LY96: variants seen among roughly 807,000 people sequenced by gnomAD.
The protein encoded by LY96 is myeloid differentiation protein-2.
A neutral mutation model predicts 18.9 loss-of-function variants in LY96; 18 were observed. That is an observed-to-expected ratio of 0.95 (90% CI 0.66 to 1.41). The LOEUF is 1.41. Among genes scored for constraint, LY96 ranks in the 40% most tolerant of loss-of-function variants. The pLI is 0.00. For synonymous variants in LY96, 66 were observed against 62.6 expected (o/e 1.06, Z -0.26); for missense variants, 175 against 182.4 (o/e 0.96, Z 0.23).
chr8:74,060,983 G>A, the LY96 span, among the ~76,000 whole-genome samples: 5 of 152,042 alleles, frequency 3.3e-5, no homozygotes, highest in Admixed American at 1.3e-4. Flanking sequence ...CTATACCTTC[G>A]TGTCCTGGAG....
intron 4 of LY96, 106 bp from the exon 5 acceptor site, chr8:74,028,850 T>A: frequency 1.5e-6 from 1 of 649,564 alleles, no homozygotes; most frequent in South Asian, 2.1e-5. Context: ...ATAAAATCAA[T>A]CCAATTTAAA....
intron 2 of LY96, among the ~76,000 whole-genome samples, chr8:74,006,021 G>T (rs1431578066): frequency 6.6e-6 from 1 of 152,194 alleles, no homozygotes; most frequent in Non-Finnish European, 1.5e-5. Context: ...CCCCAAAACT[G>T]AGAACCCAGG....
At chr8:74,065,361 A>C in the LY96 span, among the ~76,000 whole-genome samples, 1 of 152,168 alleles carries the variant, frequency 6.6e-6, no homozygotes, top group Non-Finnish European at 1.5e-5. Context: ...TATTTTATAG[A>C]GTTTGGTTCT....
chr8:74,012,939 C>A (rs1191296570), intron 3 of LY96, among the ~76,000 whole-genome samples: 1 of 151,512 alleles, frequency 6.6e-6, no homozygotes. Flanking sequence ...ATAACTGTGG[C>A]AGAAAAACTG....
At chr8:74,060,574 C>G in the LY96 span, among the ~76,000 whole-genome samples, 3 of 152,172 alleles carry the variant, frequency 2.0e-5, no homozygotes, top group Admixed American at 6.5e-5. Flanking sequence ...AATAGGTGTT[C>G]GATAAATATA....
At chr8:74,001,390 A>C (rs912064803) in intron 1 of LY96, among the ~76,000 whole-genome samples, 1 of 152,000 alleles carries the variant, frequency 6.6e-6, no homozygotes, top group East Asian at 1.9e-4. Context: ...TGACATGCCC[A>C]GATAATTTTT....
chr8:74,044,732 C>T, the LY96 span, among the ~76,000 whole-genome samples: 3 of 152,086 alleles, frequency 2.0e-5, no homozygotes, highest in African/African-American at 7.2e-5. Context: ...TTTTTTTTCT[C>T]TGAGCAAATT....
chr8:74,001,964 TTCC>T (rs1816280615), intron 1 of LY96, among the ~76,000 whole-genome samples: 1 of 142,766 alleles, frequency 7.0e-6, no homozygotes. Flanking sequence ...CCTTCCTTCC[TTCC>T]TTCCTTCCTT....
chr8:74,075,470 T>A, the LY96 span, among the ~76,000 whole-genome samples: 2 of 152,148 alleles, frequency 1.3e-5, no homozygotes, highest in Non-Finnish European at 2.9e-5. Flanking sequence ...AAGGTCTTGC[T>A]ATATTGTCCA....
In LY96 at chr8:74,002,101, C is replaced by T. The variant is rs796893288; in HGVS notation, c.113-2695C>T. Among the ~76,000 whole-genome samples, 303 of 63,986 alleles carry T rather than the reference C, an allele frequency of 4.7e-3. 21 individuals carry two copies. Among genetic ancestry groups the T allele is most frequent in the Middle Eastern group, 0.021 (3 of 146 alleles). 42.0% of individuals were successfully genotyped at this position (63,986 alleles called of 152,430 possible). A position where few individuals can be genotyped will look rare whatever the true frequency, so the allele number is the denominator to read the frequency against. On this transcript the variant is annotated intron_variant, in intron 1 of 4. Transcript: ENST00000284818. ...TTTCTTTCTTTCTTTCTTTCTCTCTCTCTCTCTCTCTCTCTCTCTCTCTCT... is the reference window on the plus strand; with the variant it reads ...TTTCTTTCTTTCTTTCTTTCTCTCTTTCTCTCTCTCTCTCTCTCTCTCTCT...
the LY96 span, chr8:74,052,290 T>A: frequency 6.6e-6 from 1 of 152,242 alleles, no homozygotes; most frequent in African/African-American, 2.4e-5. Context: ...CATAACTTCC[T>A]CCGTCACAGT....
downstream of LY96, among the ~76,000 whole-genome samples, chr8:74,033,965 G>A (rs1343529237): frequency 6.6e-6 from 1 of 151,632 alleles, no homozygotes; most frequent in African/African-American, 2.4e-5. Context: ...TTCCAGCAAA[G>A]CCAACTTAAA....
At chr8:74,000,610 C>T (rs1434126238) in intron 1 of LY96, among the ~76,000 whole-genome samples, 1 of 152,202 alleles carries the variant, frequency 6.6e-6, no homozygotes, top group East Asian at 1.9e-4. Context: ...ACTCTTCCAG[C>T]CTCTGCCTAT....
intron 1 of LY96, among the ~76,000 whole-genome samples, chr8:73,993,719 A>G (rs879319320): frequency 6.6e-6 from 1 of 152,178 alleles, no homozygotes; most frequent in Non-Finnish European, 1.5e-5. Context: ...TTGGGATTAC[A>G]GGCGTGAGCC....
the LY96 span, among the ~76,000 whole-genome samples, chr8:74,038,439 T>A: frequency 6.6e-6 from 1 of 152,258 alleles, no homozygotes; most frequent in Admixed American, 6.5e-5. Context: ...AGTGAATACA[T>A]GTGAAGTTTG....
At chr8:74,032,179 C>T (rs1019896100), downstream of LY96, among the ~76,000 whole-genome samples, 67 of 152,044 alleles carry the variant, frequency 4.4e-4, no homozygotes, top group African/African-American at 1.6e-3. Flanking sequence ...AACATAAAAC[C>T]CGAAAAGCCA....
the LY96 span, among the ~76,000 whole-genome samples, chr8:74,036,528 C>T: frequency 6.6e-6 from 1 of 152,200 alleles, no homozygotes; most frequent in South Asian, 2.1e-4. Context: ...CATTACTCAA[C>T]TGGTCCTGTG....
At chr8:74,051,252 C>A in the LY96 span, among the ~76,000 whole-genome samples, 1 of 152,138 alleles carries the variant, frequency 6.6e-6, no homozygotes, top group Non-Finnish European at 1.5e-5. Context: ...CTGGATATAA[C>A]TGCTAATGAG....
intron 1 of LY96, among the ~76,000 whole-genome samples, chr8:73,998,358 G>GT (rs892017631): frequency 1.9e-4 from 29 of 149,640 alleles, no homozygotes; most frequent in East Asian, 9.7e-4. Flanking sequence ...ACATTTTATA[G>GT]TTTTTTTTTT....
Sources: gnomAD v4.1 joint callset for allele counts (sites outside exome capture counted in the v4.1 genomes callset) on GRCh38, gnomAD v4.1.1 for gene constraint, MANE v1.5 for transcripts, NCBI Gene and HGNC (gene_info 2026-07-23, HGNC 2026-07-21) for gene names.